Variants in FOXP2 observed in about 807,000 individuals in gnomAD.
The protein encoded by FOXP2 is forkhead box P2, also known as forkhead box protein P2.
FOXP2 carries 12 observed loss-of-function variants against 115.8 expected under a neutral mutation model. The ratio of observed to expected loss-of-function variants is 0.10; its 90% CI spans 0.07 to 0.17. FOXP2 has a LOEUF of 0.17. FOXP2 is among the 10% of genes least tolerant of loss of function. The pLI is 1.00. For missense variants in FOXP2, 629 were observed against 843.5 expected (o/e 0.75, Z 3.15); for synonymous variants, 328 against 297.7 (o/e 1.10, Z -1.05).
At chr7:114,321,175 CTTTA>C (rs60714472) in intron 2 of FOXP2, among the ~76,000 whole-genome samples, 53,319 of 140,562 alleles carry the variant, frequency 0.38, 11,248 homozygotes, top group Middle Eastern at 0.5. Flanking sequence ...TATCTAGTAA[CTTTA>C]TTTATTTATT....
chr7:114,242,088 T>C (rs1795170187), intron 1 of FOXP2, among the ~76,000 whole-genome samples: 1 of 150,720 alleles, frequency 6.6e-6, no homozygotes, highest in African/African-American at 2.4e-5. Context: ...CAAGAAGAGC[T>C]GTTGAATGAC....
chr7:114,150,628 T>C (rs1249895307), intron 1 of FOXP2, among the ~76,000 whole-genome samples: 1 of 152,050 alleles, frequency 6.6e-6, no homozygotes, highest in Admixed American at 6.6e-5. Context: ...AAATGACAAA[T>C]TTTTAAGAAA....
At chr7:114,294,860 A>ATAAATAAG (rs1192102078) in intron 2 of FOXP2, among the ~76,000 whole-genome samples, 1 of 150,248 alleles carries the variant, frequency 6.7e-6, no homozygotes, top group Admixed American at 6.6e-5. Context: ...AAATAAATAA[A>ATAAATAAG]TAAATACATA....
At chr7:114,459,264 T>A (rs925403550) in intron 2 of FOXP2, among the ~76,000 whole-genome samples, 1 of 152,164 alleles carries the variant, frequency 6.6e-6, no homozygotes, top group Non-Finnish European at 1.5e-5. Flanking sequence ...CATCTCTTGT[T>A]GGAGGAGCAG....
intron 1 of FOXP2, among the ~76,000 whole-genome samples, chr7:114,145,440 T>TTCTTTTCTTTTCTTTC (rs1792340783): frequency 1.6e-4 from 1 of 6,112 alleles, no homozygotes; most frequent in Non-Finnish European, 1.3e-3. Context: ...TTTTTTCTTT[T>TTCTTTTCTTTTCTTTC]CTTTTCTTTT....
chr7:114,322,022 CTTTTT>C (rs5886698), intron 2 of FOXP2, among the ~76,000 whole-genome samples: 5 of 128,380 alleles, frequency 3.9e-5, no homozygotes, highest in Non-Finnish European at 5.1e-5. Flanking sequence ...CAGAGGATTC[CTTTTT>C]TTTTTTTTTT....
At chr7:114,447,469 T>A (rs1338669672) in intron 2 of FOXP2, among the ~76,000 whole-genome samples, 1 of 152,158 alleles carries the variant, frequency 6.6e-6, no homozygotes, top group Non-Finnish European at 1.5e-5. Flanking sequence ...CATTTCTCCC[T>A]TATCTTGTCC....
At chr7:114,588,393 A>G (rs1397473481) in intron 3 of FOXP2, among the ~76,000 whole-genome samples, 3 of 152,194 alleles carry the variant, frequency 2.0e-5, no homozygotes, top group African/African-American at 4.8e-5. Context: ...TTAAAAGTAT[A>G]TATAAAATGC....
At chr7:114,545,111 G>C (rs149495854) in intron 3 of FOXP2, among the ~76,000 whole-genome samples, 6 of 152,234 alleles carry the variant, frequency 3.9e-5, no homozygotes, top group East Asian at 1.9e-4. Flanking sequence ...CTGGCCTACA[G>C]AGTAGTATAT....
At chr7:114,658,766 C>T (rs1279205656) in intron 11 of FOXP2, among the ~76,000 whole-genome samples, 1 of 152,190 alleles carries the variant, frequency 6.6e-6, no homozygotes, top group Non-Finnish European at 1.5e-5. Context: ...GCAAACTTTG[C>T]ATTTGCATGG....
At chr7:114,252,699 C>T (rs889757597) in intron 1 of FOXP2, among the ~76,000 whole-genome samples, 1 of 152,066 alleles carries the variant, frequency 6.6e-6, no homozygotes, top group Non-Finnish European at 1.5e-5. Flanking sequence ...CTTTATTAGT[C>T]TCGCTAGCGT....
intron 1 of FOXP2, chr7:114,163,180 G>A (rs1191781369): frequency 6.6e-6 from 1 of 151,376 alleles, no homozygotes; most frequent in Non-Finnish European, 1.5e-5. Context: ...ATATTGTTTG[G>A]ATTTTTTCCT....
At chr7:114,573,535 T>A (rs1329488434) in intron 3 of FOXP2, among the ~76,000 whole-genome samples, 1 of 151,826 alleles carries the variant, frequency 6.6e-6, no homozygotes, top group Non-Finnish European at 1.5e-5. Flanking sequence ...AACTAACATT[T>A]ATAATAAATT....
intron 3 of FOXP2, among the ~76,000 whole-genome samples, chr7:114,579,729 C>G (rs1801750670): frequency 6.6e-6 from 1 of 152,168 alleles, no homozygotes; most frequent in African/African-American, 2.4e-5. Flanking sequence ...CTAACTCACA[C>G]TTTTGGAATT....
intron 2 of FOXP2, among the ~76,000 whole-genome samples, chr7:114,490,160 A>G (rs1562956714): frequency 6.6e-6 from 1 of 152,160 alleles, no homozygotes; most frequent in Non-Finnish European, 1.5e-5. Context: ...CAAAGCATGG[A>G]AGCAACCAAG....
intron 1 of FOXP2, among the ~76,000 whole-genome samples, chr7:114,271,881 A>C (rs1258246876): frequency 1.6e-5 from 2 of 126,586 alleles, no homozygotes; most frequent in Non-Finnish European, 3.1e-5. Flanking sequence ...TATGATTATT[A>C]ATTATAAACA....
At chr7:114,579,231 C>T (rs960760839) in intron 3 of FOXP2, among the ~76,000 whole-genome samples, 2 of 152,118 alleles carry the variant, frequency 1.3e-5, no homozygotes, top group Non-Finnish European at 1.5e-5. Context: ...ACTTTTAAGT[C>T]TGATATTTAA....
At chr7:114,677,969 G>A (rs1414005559) in intron 16 of FOXP2, among the ~76,000 whole-genome samples, 3 of 152,214 alleles carry the variant, frequency 2.0e-5, no homozygotes, top group Non-Finnish European at 4.4e-5. Flanking sequence ...CTCTAATAGA[G>A]GGATAAGTAC....
intron 1 of FOXP2, among the ~76,000 whole-genome samples, chr7:114,214,657 G>A (rs1584550817): frequency 6.6e-6 from 1 of 152,114 alleles, no homozygotes; most frequent in East Asian, 1.9e-4. Context: ...TCTGCAGGTT[G>A]GCCCTACCTC....
Sources: allele counts gnomAD v4.1 joint callset (sites outside exome capture counted in the v4.1 genomes callset), GRCh38; gene constraint gnomAD v4.1.1; transcripts MANE v1.5; gene names NCBI Gene and HGNC (gene_info 2026-07-23, HGNC 2026-07-21).